The following INCENP variants were observed in gnomAD, a reference collection of about 807,000 sequenced individuals.
The protein encoded by INCENP is binds and activates aurora-B and -C in vivo and in vitro.
A neutral mutation model predicts 107.3 loss-of-function variants in INCENP; 43 were observed. The ratio of observed to expected loss-of-function variants is 0.40; its 90% CI spans 0.31 to 0.52. The LOEUF (loss-of-function observed/expected upper bound fraction) is 0.52. Ranked by LOEUF, INCENP falls within the 20% of genes least tolerant of loss-of-function variation. The probability of loss-of-function intolerance (pLI) is 0.53; values close to 1 mark genes in which losing one functional copy is unlikely to be tolerated. For missense variants in INCENP, 1,089 were observed against 1,250.9 expected (o/e 0.87, Z 1.95); for synonymous variants, 488 against 494.4 (o/e 0.99, Z 0.17).
chr11:62,128,070 G>T, intron 1 of INCENP, 81 bp from the exon 2 acceptor site: 1 of 1,441,912 alleles, frequency 6.9e-7, no homozygotes, highest in Non-Finnish European at 9.6e-7. Context: ...TTGTGGGTCA[G>T]GTGGGTATTG....
chr11:62,130,653 T>G (rs1943874775), intron 4 of INCENP, 63 bp downstream of exon 4: 2 of 1,423,468 alleles, frequency 1.4e-6, no homozygotes, highest in African/African-American at 2.8e-5. Context: ...GGAGGCTTTC[T>G]GAGGGATCAT....
chr11:62,138,847 G>T lies in INCENP; in HGVS notation c.1174-41G>T, dbSNP rs769966647. ...GCACTACGGCCATCCTGGGCCTTGGGTTCCAGGTCAAGACCCCTAAAGCCT... is the reference window on the plus strand; with the variant it reads ...GCACTACGGCCATCCTGGGCCTTGGTTTCCAGGTCAAGACCCCTAAAGCCT... On this transcript the variant is annotated intron_variant, in intron 6 of 18. Coordinates refer to ENST00000394818, the MANE Select transcript of INCENP (RefSeq NM_001040694.2). 15 of 1,605,584 alleles carry T rather than the reference G, an allele frequency of 9.3e-6. No individual in the cohort carries two copies. In the Admixed American group the frequency reaches 1.5e-4, roughly 16 times the overall value.
Position 62,148,859 on chromosome 11 carries a change from C to T in INCENP, c.2391+13C>T, listed in dbSNP as rs1944313577. The T allele has an allele frequency of 6.4e-7, 1 of 1,572,246 alleles. No individual in the cohort carries two copies. Among genetic ancestry groups the T allele is most frequent in the Non-Finnish European group, 8.7e-7 (1 of 1,150,690 alleles). On this transcript the variant is annotated intron_variant, in intron 17 of 18. Coordinates refer to ENST00000394818, the MANE Select transcript of INCENP (RefSeq NM_001040694.2). ...TGTGGACGTGCAGGTGCCACCTGGG[C>T]CCCAGTGGAGAGGCTCTCAGGTGGA...
Position 62,138,786 on chromosome 11 carries a change from G to A in INCENP, c.1173+16G>A. 6.2e-7 allele frequency: 1 copy of A among 1,613,682 alleles called. No homozygotes were observed. The highest frequency in any genetic ancestry group is 8.5e-7 in the Non-Finnish European group (1 of 1,179,698). The stretch of plus-strand genomic sequence containing the variant: ...TGAGCCAGAGGTAAGACGGCTGCCT[G>A]GGGAAGGGAGGACTCACCTCTGGGG... On this transcript the variant is annotated intron_variant, in intron 6 of 18. Coordinates refer to ENST00000394818, the MANE Select transcript of INCENP (RefSeq NM_001040694.2).
rs1156604023 is a variant in INCENP, at chr11:62,140,759, G to A, written c.1399G>A (p.Glu467Lys). The A allele has an allele frequency of 6.2e-7, 1 of 1,609,204 alleles. No individual in the cohort carries two copies. Among genetic ancestry groups the A allele is most frequent in the Non-Finnish European group, 8.5e-7 (1 of 1,178,550 alleles). ...TGAGCTGGACGAGGAGCAGCACCTG[G>A]AGGATGAGGAGCTGCAGCCCCCCAG... ...VSELDEEQHL[E>K]DEELQPPRSK... Residue 467 changes from glutamate to lysine, a missense_variant, in exon 9 of 19, where the codon GAG (glutamate) becomes AAG (lysine). Coordinates refer to ENST00000394818, the MANE Select transcript of INCENP (RefSeq NM_001040694.2).
intron 9 of INCENP, 45 bp downstream of exon 9, chr11:62,140,866 G>A (rs761830245): frequency 1.4e-4 from 224 of 1,613,556 alleles, no homozygotes; most frequent in Non-Finnish European, 1.8e-4. Flanking sequence ...ACCCCCTTCA[G>A]TACCCTGCCC....
rs765115073 is a variant in INCENP at position 62,151,847 on chromosome 11, C to G, written c.2628C>G (p.Asp876Glu). ...TCTTTGGAACCATTCTCCCACTGGA[C>G]TTGGAGGATATCTTCAAGAAGAGCA... ...LELFGTILPLDLEDIFKKSKP... is the reference protein window; with the variant it reads ...LELFGTILPLELEDIFKKSKP... Residue 876 changes from aspartate to glutamate, a missense_variant, in exon 19 of 19, where the codon GAC (aspartate) becomes GAG (glutamate). By Grantham distance (45) the Asp-to-Glu change is conservative. Coordinates refer to ENST00000394818, the MANE Select transcript of INCENP (RefSeq NM_001040694.2). 1 of 1,614,060 alleles carries G rather than the reference C, an allele frequency of 6.2e-7. No individual in the cohort carries two copies. Among genetic ancestry groups the G allele is most frequent in the Non-Finnish European group, 8.5e-7 (1 of 1,180,010 alleles).
In INCENP at chr11:62,145,271, C is replaced by T. The variant is rs1428110937; in HGVS notation, c.1818C>T (p.Ile606=). ...KKQIEQKFAQ[I]DEKTEKAKEE... is the part of the protein sequence containing the mutation. ...AGATTGAGCAGAAGTTTGCTCAGAT[C>T]GACGAGAAGACTGAGAAGGTGGGAG... The change falls in exon 13 of 19, where the codon ATC becomes ATT. Residue 606 remains isoleucine, a synonymous_variant. Transcript: ENST00000394818. 1.2e-6 allele frequency: 2 copies of T among 1,613,952 alleles called. No homozygotes were observed. Among genetic ancestry groups the T allele is most frequent in the South Asian group, 1.1e-5 (1 of 91,034 alleles).
At chr11:62,128,945 G>A in intron 3 of INCENP, 62 bp downstream of exon 3, 1 of 1,127,854 alleles carries the variant, frequency 8.9e-7, no homozygotes. Context: ...GGTGCCATCT[G>A]GGAGTTTGAT....
At position 62,130,572 on chromosome 11, in the gene INCENP, G is replaced by C. The variant is rs543975115; in HGVS notation, c.1045G>C (p.Ala349Pro). ...CAAGAAGACTGCCGAAGAGCCAGCTGCCTCTGGCCGCATCATCTGTGAGTC... is the reference window on the plus strand; with the variant it reads ...CAAGAAGACTGCCGAAGAGCCAGCTCCCTCTGGCCGCATCATCTGTGAGTC... Reference protein sequence around the residue: ...LAKKTAEEPAASGRIICHSYL... With the variant: ...LAKKTAEEPAPSGRIICHSYL... Residue 349 changes from alanine to proline, a missense_variant, in exon 4 of 19, where the codon GCC (alanine) becomes CCC (proline). By Grantham distance (27) the Ala-to-Pro change is conservative (BLOSUM62 -1). Transcript: ENST00000394818. The C allele has an allele frequency of 2.4e-5, 38 of 1,612,184 alleles. No individual in the cohort carries two copies. The South Asian group carries it at 3.7e-4, about 16-fold the overall frequency.
chr11:62,139,607 AC>A (rs1944067131), intron 7 of INCENP, among the ~76,000 whole-genome samples: 1 of 152,170 alleles, frequency 6.6e-6, no homozygotes, highest in African/African-American at 2.4e-5. Context: ...GCTGTGAGGA[AC>A]TTTTGGAGTA....
chr11:62,133,927 G>A (rs1450513329), intron 4 of INCENP, among the ~76,000 whole-genome samples: 5 of 151,970 alleles, frequency 3.3e-5, no homozygotes, highest in Non-Finnish European at 5.9e-5. Context: ...CCAACCTCCC[G>A]CTGGCCACCT....
chr11:62,134,644 G>A (rs1398904710), intron 4 of INCENP, among the ~76,000 whole-genome samples: 2 of 152,088 alleles, frequency 1.3e-5, no homozygotes, highest in Non-Finnish European at 2.9e-5. Context: ...AAACAAAAAT[G>A]TACTGAAGAC....
chr11:62,152,081 GTGGAGGGCT>G lies in INCENP; in HGVS notation c.*109_*117del. The G allele has an allele frequency of 1.1e-6, 1 of 876,230 alleles. No individual in the cohort carries two copies. 54.3% of individuals were successfully genotyped at this position (876,230 alleles called of 1,614,324 possible). A position where few individuals can be genotyped will look rare whatever the true frequency, so the allele number is the denominator to read the frequency against. ...TTGCCCTCCTTCTTGGCATGCCATTGTGGAGGGCTTGGCCAGGTGTATATAAACGTCCTC... is the reference window on the plus strand; with the variant it reads ...TTGCCCTCCTTCTTGGCATGCCATTGTGGCCAGGTGTATATAAACGTCCTC... On this transcript the variant is annotated 3_prime_UTR_variant, in exon 19 of 19. Transcript: ENST00000394818.
In INCENP at chr11:62,151,865, G is replaced by A; in HGVS notation, c.2646G>A (p.Lys882=). 6.2e-7 allele frequency: 1 copy of A among 1,614,204 alleles called. No individual in the cohort carries two copies. The highest frequency in any genetic ancestry group is 8.5e-7 in the Non-Finnish European group (1 of 1,180,042). Residue 882 remains lysine, a synonymous_variant, in exon 19 of 19, where the codon AAG becomes AAA. Transcript: ENST00000394818. The stretch of plus-strand genomic sequence containing the variant: ...CACTGGACTTGGAGGATATCTTCAA[G>A]AAGAGCAAGCCCCGCTATCACAAGC... ...ILPLDLEDIF[K]KSKPRYHKRT...
chr11:62,151,994 C>G lies in INCENP; in HGVS notation c.*18C>G, dbSNP rs780630578. 9 of 1,582,238 alleles carry G rather than the reference C, an allele frequency of 5.7e-6. No individual in the cohort carries two copies. The highest frequency in any genetic ancestry group is 1.3e-5 in the African/African-American group (1 of 74,436). On this transcript the variant is annotated 3_prime_UTR_variant, in exon 19 of 19. Coordinates refer to ENST00000394818, the MANE Select transcript of INCENP (RefSeq NM_001040694.2). ...AGCACTGAGGCTGGCCTGCGGCCTT[C>G]TTGGCAGCCTCGCCTCCTGTCCATG... is the stretch of plus-strand genomic sequence containing the variant.
intron 15 of INCENP, among the ~76,000 whole-genome samples, chr11:62,147,323 C>CCCCCTACCGATATT (rs1201333617): frequency 6.6e-6 from 1 of 152,184 alleles, no homozygotes; most frequent in Non-Finnish European, 1.5e-5. Context: ...ACTCAGATTA[C>CCCCCTACCGATATT]CCCCTACCGA....
intron 18 of INCENP, among the ~76,000 whole-genome samples, chr11:62,150,724 C>T (rs1430759500): frequency 6.6e-6 from 1 of 152,192 alleles, no homozygotes; most frequent in Non-Finnish European, 1.5e-5. Context: ...CAGCATTAAA[C>T]CAGAATGTGG....
chr11:62,131,761 C>T (rs180725573), intron 4 of INCENP, among the ~76,000 whole-genome samples: 281 of 150,580 alleles, frequency 1.9e-3, no homozygotes, highest in African/African-American at 6.4e-3. Flanking sequence ...GGATTGGTGG[C>T]GAGGATAGGC....
Sources: allele counts gnomAD v4.1 joint callset (sites outside exome capture counted in the v4.1 genomes callset), GRCh38; gene constraint gnomAD v4.1.1; transcripts MANE v1.5; gene names NCBI Gene and HGNC (gene_info 2026-07-23, HGNC 2026-07-21).